ATF7IP2: variants seen among roughly 807,000 people sequenced by gnomAD.
The protein encoded by ATF7IP2 is activating transcription factor 7-interacting protein 2.
Under a neutral mutation model 64.2 loss-of-function variants are expected in ATF7IP2, and 42 were observed. The ratio of observed to expected loss-of-function variants is 0.65; its 90% confidence interval spans 0.51 to 0.85. ATF7IP2 has a LOEUF of 0.85. ATF7IP2 is among the 40% of genes least tolerant of loss of function. ATF7IP2 has a pLI of 0.00. For missense variants in ATF7IP2, 933 were observed against 784.2 expected, an observed-to-expected ratio of 1.19 and a Z score of -2.27; for synonymous variants, 308 against 272.8, an observed-to-expected ratio of 1.13 and a Z score of -1.27.
At chr16:10,436,194 T>G (rs895138259) in intron 6 of ATF7IP2, among the ~76,000 whole-genome samples, 2 of 152,142 alleles carry the variant, frequency 1.3e-5, no homozygotes, top group Admixed American at 1.3e-4. Context: ...AAACCCTGTC[T>G]CGGCTAAAAA....
Position 10,472,151 on chromosome 16 carries a change from A to G in ATF7IP2, c.1394A>G (p.Asn465Ser), listed in dbSNP as rs768140924. 3.6e-5 allele frequency: 57 copies of G among 1,575,066 alleles called. No individual in the cohort carries two copies. The highest frequency in any genetic ancestry group is 4.6e-5 in the Non-Finnish European group (53 of 1,153,574). Reference protein sequence around the residue: ...DVMLISVESPNLTTPITSNPT... With the variant: ...DVMLISVESPSLTTPITSNPT... ...ATGTTGATTTCTGTGGAAAGTCCTA[A>G]TTTGACAACTCCAATTACATCAAAT... The change falls in exon 10 of 14, where the codon AAT becomes AGT. Residue 465 changes from asparagine to serine, a missense_variant. By Grantham distance (46) the Asn-to-Ser change is conservative. Transcript: ENST00000562102.
intron 9 of ATF7IP2, among the ~76,000 whole-genome samples, chr16:10,461,365 A>G (rs997302719): frequency 3.3e-5 from 5 of 152,144 alleles, no homozygotes; most frequent in Admixed American, 1.3e-4. Flanking sequence ...AGGTATATCT[A>G]TTGCATGTTG....
At chr16:10,457,243 C>G (rs1014166173) in intron 8 of ATF7IP2, 129 bp from the exon 9 acceptor site, 2 of 741,122 alleles carry the variant, frequency 2.7e-6, no homozygotes, top group Non-Finnish European at 4.3e-6. Context: ...CATCAGCCAT[C>G]GAAATACATG....
intron 1 of ATF7IP2, among the ~76,000 whole-genome samples, chr16:10,412,027 T>G (rs58044555): frequency 1.7e-4 from 23 of 137,760 alleles, no homozygotes; most frequent in Non-Finnish European, 2.6e-4. Flanking sequence ...TTTTTTTTTT[T>G]TTTTTTTTTT....
At chr16:10,476,271 C>T (rs2050004201) in intron 12 of ATF7IP2, among the ~76,000 whole-genome samples, 1 of 152,032 alleles carries the variant, frequency 6.6e-6, no homozygotes, top group African/African-American at 2.4e-5. Context: ...CTGTGAAACA[C>T]AATACAGAAT....
At chr16:10,436,904 A>G (rs1455416362) in intron 6 of ATF7IP2, among the ~76,000 whole-genome samples, 6 of 136,836 alleles carry the variant, frequency 4.4e-5, no homozygotes, top group African/African-American at 2.1e-4. Flanking sequence ...GTCTGTTTTC[A>G]AAAAAAAAAG....
At chr16:10,407,846 T>C (rs1027127531) in intron 1 of ATF7IP2, among the ~76,000 whole-genome samples, 1 of 152,128 alleles carries the variant, frequency 6.6e-6, no homozygotes, top group African/African-American at 2.4e-5. Flanking sequence ...TACATTCTCA[T>C]AGCTTAGCTC....
intron 1 of ATF7IP2, among the ~76,000 whole-genome samples, chr16:10,399,093 A>G (rs1040540856): frequency 1.3e-5 from 2 of 148,710 alleles, no homozygotes; most frequent in Non-Finnish European, 3.0e-5. Context: ...AGCCTGGGCA[A>G]CAAGAAGGAA....
At chr16:10,417,213 A>G (rs577746245) in intron 2 of ATF7IP2, among the ~76,000 whole-genome samples, 1 of 152,316 alleles carries the variant, frequency 6.6e-6, no homozygotes, top group East Asian at 1.9e-4. Flanking sequence ...ATGTGACAGG[A>G]TCAAAACCTC....
intron 9 of ATF7IP2, among the ~76,000 whole-genome samples, chr16:10,468,488 A>C (rs1367965449): frequency 6.6e-6 from 1 of 152,234 alleles, no homozygotes; most frequent in African/African-American, 2.4e-5. Context: ...AACAAATGAC[A>C]TGAACTCTAC....
chr16:10,425,178 C>T (rs1169216434), intron 3 of ATF7IP2, among the ~76,000 whole-genome samples: 1 of 151,480 alleles, frequency 6.6e-6, no homozygotes, highest in Admixed American at 6.6e-5. Flanking sequence ...CCCACCTCAG[C>T]CTCCTGAGTA....
chr16:10,450,470 T>A lies in ATF7IP2; in HGVS notation c.1195-6902T>A, dbSNP rs183252462. ...AGTCTTAAGTCTCTTTGTAGGTCTT[T>A]AAGAACTTGCTTTATGAATCTGGGT... On this transcript the variant is annotated intron_variant, in intron 8 of 13. Transcript: ENST00000562102. 2.0e-5 allele frequency among the ~76,000 whole-genome samples: 3 copies of A among 152,324 alleles called. No homozygotes were observed. The East Asian group carries it at 5.8e-4, about 29-fold the overall frequency.
intron 2 of ATF7IP2, among the ~76,000 whole-genome samples, chr16:10,417,590 A>C (rs993597500): frequency 6.6e-6 from 1 of 152,192 alleles, no homozygotes; most frequent in African/African-American, 2.4e-5. Context: ...AAATATTACT[A>C]TAGTTAAAGA....
intron 3 of ATF7IP2, among the ~76,000 whole-genome samples, chr16:10,427,885 A>G (rs1278135225): frequency 6.6e-6 from 1 of 151,930 alleles, no homozygotes; most frequent in Non-Finnish European, 1.5e-5. Flanking sequence ...GAGGTGACCC[A>G]AAGATCTTTC....
At chr16:10,437,867 G>A (rs994887548) in intron 6 of ATF7IP2, among the ~76,000 whole-genome samples, 1 of 152,144 alleles carries the variant, frequency 6.6e-6, no homozygotes, top group Non-Finnish European at 1.5e-5. Flanking sequence ...AGCATTATGA[G>A]AATAAATTTA....
chr16:10,463,928 G>C (rs145394323), intron 9 of ATF7IP2, among the ~76,000 whole-genome samples: 64 of 152,176 alleles, frequency 4.2e-4, no homozygotes, highest in African/African-American at 1.5e-3. Flanking sequence ...CCTATTGCTG[G>C]TCTTATATTC....
chr16:10,425,893 CA>C (rs892241414), intron 3 of ATF7IP2, among the ~76,000 whole-genome samples: 222 of 131,096 alleles, frequency 1.7e-3, no homozygotes, highest in Admixed American at 2.3e-3. Context: ...AACTCCATCT[CA>C]AAAAAAAAAA....
At chr16:10,438,794 C>G (rs975087690) in intron 7 of ATF7IP2, among the ~76,000 whole-genome samples, 2 of 152,154 alleles carry the variant, frequency 1.3e-5, no homozygotes, top group African/African-American at 4.8e-5. Context: ...ATGGCTCATG[C>G]CTGTAATCCC....
At chr16:10,444,425 C>G (rs1433373042) in intron 8 of ATF7IP2, among the ~76,000 whole-genome samples, 1 of 152,024 alleles carries the variant, frequency 6.6e-6, no homozygotes, top group Non-Finnish European at 1.5e-5. Flanking sequence ...TTCTTTCCAG[C>G]TTTTGATGAG....
Sources: gnomAD v4.1 joint callset for allele counts (sites outside exome capture counted in the v4.1 genomes callset) on GRCh38, gnomAD v4.1.1 for gene constraint, MANE v1.5 for transcripts, NCBI Gene and HGNC (gene_info 2026-07-23, HGNC 2026-07-21) for gene names.